ARRDC5: variants seen among roughly 807,000 people sequenced by gnomAD.
The protein encoded by ARRDC5 is arrestin domain-containing protein 5.
In ARRDC5, 12 loss-of-function variants were observed where a neutral mutation model predicts 13.3. The ratio of observed to expected loss-of-function variants is 0.90; its 90% CI spans 0.58 to 1.46. The LOEUF is 1.46. Ranked by LOEUF, ARRDC5 falls within the 40% of genes most tolerant of loss-of-function variation. ARRDC5 has a pLI of 0.00. For missense variants in ARRDC5, 406 were observed against 418.7 expected (o/e 0.97, Z 0.26); for synonymous variants, 181 against 173.4 (o/e 1.04, Z -0.34).
At chr19:4,911,049 C>A in the ARRDC5 span, 6 of 1,571,430 alleles carry the variant, frequency 3.8e-6, no homozygotes, top group Non-Finnish European at 5.2e-6. Context: ...GTACACCCGC[C>A]GCCAGCACCT....
Position 4,896,600 on chromosome 19 carries a change from C to T in ARRDC5, c.459+71G>A. 2 of 1,202,656 alleles carry T rather than the reference C, an allele frequency of 1.7e-6. 1 individual carries two copies. The highest frequency in any genetic ancestry group is 2.5e-5 in the South Asian group (2 of 79,580). 74.5% of individuals were successfully genotyped at this position (1,202,656 alleles called of 1,614,324 possible). A position where few individuals can be genotyped will look rare whatever the true frequency, so the allele number is the denominator to read the frequency against. On this transcript the variant is annotated intron_variant, in intron 2 of 2. Transcript: ENST00000650722. Reference sequence around the variant, plus strand: ...CCCATGGGACCTTCTCTGTCCCCTGCCTGCCCACCTTCCCTCTTCCTCCTT... The same window carrying T: ...CCCATGGGACCTTCTCTGTCCCCTGTCTGCCCACCTTCCCTCTTCCTCCTT...
At chr19:4,915,627 T>C in the ARRDC5 span, among the ~76,000 whole-genome samples, 5 of 151,964 alleles carry the variant, frequency 3.3e-5, no homozygotes, top group South Asian at 1.0e-3. Flanking sequence ...GAGAATCGCT[T>C]GAACCTGGGA....
chr19:4,901,707 G>A (rs1009035770), intron 1 of ARRDC5, among the ~76,000 whole-genome samples: 1 of 152,020 alleles, frequency 6.6e-6, no homozygotes, highest in Non-Finnish European at 1.5e-5. Context: ...TGTTGGCCAC[G>A]TGTTCTGCTT....
the ARRDC5 span, among the ~76,000 whole-genome samples, chr19:4,916,689 C>T: frequency 3.0e-3 from 454 of 152,346 alleles, 3 homozygotes; most frequent in African/African-American, 0.01. Context: ...GTCTAGGATC[C>T]TCCTGCATCC....
chr19:4,893,172 T>C (rs962934844), intron 2 of ARRDC5, among the ~76,000 whole-genome samples: 3 of 141,456 alleles, frequency 2.1e-5, no homozygotes, highest in Non-Finnish European at 4.5e-5. Context: ...TATATTATTA[T>C]ATATAATATA....
intron 2 of ARRDC5, among the ~76,000 whole-genome samples, chr19:4,892,019 T>C (rs2031530357): frequency 6.6e-6 from 1 of 151,950 alleles, no homozygotes; most frequent in South Asian, 2.1e-4. Context: ...AGATGGAATC[T>C]GGAAGCCTAG....
intron 2 of ARRDC5, among the ~76,000 whole-genome samples, chr19:4,893,096 C>T (rs554907618): frequency 3.1e-4 from 41 of 133,294 alleles, no homozygotes; most frequent in South Asian, 1.7e-3. Flanking sequence ...AGCAAGACTC[C>T]GTCTCAAAAA....
At chr19:4,910,688 G>T in the ARRDC5 span, 1 of 489,020 alleles carries the variant, frequency 2.0e-6, no homozygotes, top group Non-Finnish European at 3.5e-6. Context: ...AGTCGTTAAT[G>T]CCTTAAGTGC....
chr19:4,916,657 TTG>T, the ARRDC5 span, among the ~76,000 whole-genome samples: 1,743 of 152,280 alleles, frequency 0.011, 39 homozygotes, highest in African/African-American at 0.039. Context: ...CCGCCCCCTC[TTG>T]TGGGTTCTGT....
chr19:4,914,895 CAATG>C, the ARRDC5 span, among the ~76,000 whole-genome samples: 1 of 152,100 alleles, frequency 6.6e-6, no homozygotes, highest in Non-Finnish European at 1.5e-5. Flanking sequence ...GCCAGGCTCA[CAATG>C]AAAGCGAAAT....
intron 1 of ARRDC5, among the ~76,000 whole-genome samples, chr19:4,899,365 C>G (rs1172268528): frequency 6.6e-6 from 1 of 151,842 alleles, no homozygotes; most frequent in African/African-American, 2.4e-5. Flanking sequence ...CATGGTGGCT[C>G]ATGCCTGTAA....
At chr19:4,901,828 T>C (rs1054169047) in intron 1 of ARRDC5, among the ~76,000 whole-genome samples, 7 of 152,078 alleles carry the variant, frequency 4.6e-5, no homozygotes, top group African/African-American at 1.7e-4. Flanking sequence ...AGATCTGACC[T>C]GGTGGAACTG....
intron 2 of ARRDC5, among the ~76,000 whole-genome samples, chr19:4,894,965 G>A (rs1034703406): frequency 1.3e-5 from 2 of 151,932 alleles, no homozygotes; most frequent in African/African-American, 4.8e-5. Flanking sequence ...AGTCTTATTC[G>A]AAAATTCGTA....
upstream of ARRDC5, chr19:4,902,985 T>G (rs2031976221): frequency 2.1e-6 from 2 of 942,036 alleles, no homozygotes; most frequent in African/African-American, 3.3e-5. Flanking sequence ...AAACTGTTGT[T>G]TAGGGTGGGT....
At chr19:4,908,329 C>T in the ARRDC5 span, among the ~76,000 whole-genome samples, 4 of 152,108 alleles carry the variant, frequency 2.6e-5, no homozygotes, top group African/African-American at 9.7e-5. Flanking sequence ...ATAGAGGAGA[C>T]TTAATAGAGT....
the ARRDC5 span, among the ~76,000 whole-genome samples, chr19:4,912,190 G>A: frequency 6.6e-6 from 1 of 152,164 alleles, no homozygotes; most frequent in Non-Finnish European, 1.5e-5. Context: ...GGAGAACTTG[G>A]GGAGTTGACG....
intron 1 of ARRDC5, among the ~76,000 whole-genome samples, chr19:4,901,060 G>T (rs527994296): frequency 1.3e-5 from 2 of 151,500 alleles, no homozygotes; most frequent in African/African-American, 2.4e-5. Flanking sequence ...AGAGACAGTC[G>T]TTTGAACCCA....
the ARRDC5 span, chr19:4,910,994 C>T: frequency 1.2e-6 from 2 of 1,611,584 alleles, no homozygotes; most frequent in Admixed American, 1.7e-5. Context: ...GGAGCTGTTC[C>T]ACGTGGAGCC....
At chr19:4,897,871 G>A (rs2031787362) in intron 1 of ARRDC5, among the ~76,000 whole-genome samples, 1 of 152,198 alleles carries the variant, frequency 6.6e-6, no homozygotes, top group African/African-American at 2.4e-5. Context: ...CGGATCACCT[G>A]AGGTCAGGAG....
Sources: gnomAD v4.1 joint callset for allele counts (sites outside exome capture counted in the v4.1 genomes callset) on GRCh38, gnomAD v4.1.1 for gene constraint, MANE v1.5 for transcripts, NCBI Gene and HGNC (gene_info 2026-07-23, HGNC 2026-07-21) for gene names.